The following ACVR2B variants were observed in gnomAD, a reference collection of about 807,000 sequenced individuals.
ACVR2B encodes the protein activin receptor type-2B.
Under a neutral mutation model 65.1 loss-of-function variants are expected in ACVR2B, and 18 were observed. The observed-to-expected ratio is 0.28, with a 90% CI of 0.19 to 0.41. The LOEUF is 0.41. Ranked by LOEUF, ACVR2B falls within the 10% of genes least tolerant of loss-of-function variation. ACVR2B has a pLI of 1.00. For synonymous variants in ACVR2B, 298 were observed against 277.7 expected, an observed-to-expected ratio of 1.07 and a Z score of -0.73; for missense variants, 482 against 682.7, an observed-to-expected ratio of 0.71 and a Z score of 3.28.
In ACVR2B at chr3:38,488,664, G is replaced by T. The variant is rs753664502; in HGVS notation, c.*5332G>T. On this transcript the variant is annotated 3_prime_UTR_variant, in exon 11 of 11. Transcript: ENST00000352511. The stretch of plus-strand genomic sequence containing the variant: ...TATTTTCCAGGTATGAATGAAACAT[G>T]ACTTTTTGATTGTGGTACTTCCTGT... The T allele has an allele frequency of 1.3e-5, 2 of 152,144 alleles. No homozygotes were observed. The highest frequency in any genetic ancestry group is 2.9e-5 in the Non-Finnish European group (2 of 68,020). The allele number at this position is 152,144 out of a possible 1,614,324, so 9.4% of individuals were successfully genotyped here.
In ACVR2B at chr3:38,482,500, G is replaced by A. The variant is rs13093134; in HGVS notation, c.1284G>A (p.Gln428=). 6.2e-7 allele frequency: 1 copy of A among 1,612,640 alleles called. No individual in the cohort carries two copies. Among genetic ancestry groups the A allele is most frequent in the East Asian group, 2.2e-5 (1 of 44,856 alleles). ...IGQHPSLEEL[Q]EVVVHKKMRP... The stretch of plus-strand genomic sequence containing the variant: ...AGCACCCTTCGTTGGAGGAGCTGCA[G>A]GAGGTGGTGGTGCACAAGAAGATGA... The change falls in exon 10 of 11, where the codon CAG becomes CAA. Residue 428 remains glutamine (Q), a synonymous_variant. Transcript: ENST00000352511.
chr3:38,455,951 A>C (rs983708751), intron 1 of ACVR2B, among the ~76,000 whole-genome samples: 1 of 152,160 alleles, frequency 6.6e-6, no homozygotes, highest in Non-Finnish European at 1.5e-5. Flanking sequence ...GGGCTCTTCC[A>C]AGCCCAGGCC....
chr3:38,454,551 T>G, intron 1 of ACVR2B, 177 bp downstream of exon 1: 1 of 460,932 alleles, frequency 2.2e-6, no homozygotes. Context: ...CTCGCCGAAC[T>G]TGGGGGCACG....
intron 1 of ACVR2B, among the ~76,000 whole-genome samples, chr3:38,457,500 T>G (rs1709569812): frequency 6.6e-6 from 1 of 152,226 alleles, no homozygotes; most frequent in Admixed American, 6.5e-5. Context: ...CTTTAATAAT[T>G]CTTCAAGTCT....
In ACVR2B at chr3:38,488,305, A is replaced by G. The variant is rs1483228135; in HGVS notation, c.*4973A>G. 6.6e-6 allele frequency: 1 copy of G among 152,248 alleles called. No individual in the cohort carries two copies. The highest frequency in any genetic ancestry group is 1.5e-5 in the Non-Finnish European group (1 of 68,034). 9.4% of individuals were successfully genotyped at this position (152,248 alleles called of 1,614,324 possible). On this transcript the variant is annotated 3_prime_UTR_variant, in exon 11 of 11. Transcript: ENST00000352511. ...GGGTTATAAGCATAGTTCTTTAAGTAAGATTCCAGATAGTTGATTTGCAAC... is the reference window on the plus strand; with the variant it reads ...GGGTTATAAGCATAGTTCTTTAAGTGAGATTCCAGATAGTTGATTTGCAAC...
chr3:38,481,221 T>C lies in ACVR2B; in HGVS notation c.960-130T>C. The C allele has an allele frequency of 1.3e-6, 1 of 797,020 alleles. No homozygotes were observed. The highest frequency in any genetic ancestry group is 2.2e-6 in the Non-Finnish European group (1 of 449,256). The allele number at this position is 797,020 out of a possible 1,614,324, so 49.4% of individuals were successfully genotyped here. On this transcript the variant is annotated intron_variant, in intron 7 of 10. Transcript: ENST00000352511. The surrounding 1 kb of genome is among the most constrained non-coding windows in gnomAD (Gnocchi z 4.7). ...CTGCCTGCTTGTGCTGCTTCACCTC[T>C]GCACCCCAGGTAGGGTGGGATGGCC...
chr3:38,457,756 T>C (rs1709574284), intron 1 of ACVR2B, among the ~76,000 whole-genome samples: 1 of 152,206 alleles, frequency 6.6e-6, no homozygotes, highest in South Asian at 2.1e-4. Flanking sequence ...GTGCAGGCCC[T>C]GATTACTCTG....
intron 8 of ACVR2B, 47 bp from the exon 9 acceptor site, chr3:38,482,151 T>C (rs772476257): frequency 4.3e-6 from 7 of 1,613,530 alleles, no homozygotes; most frequent in Non-Finnish European, 5.9e-6. Context: ...CAGCTGTGTG[T>C]GTATGGCCAG....
At chr3:38,457,964 C>T (rs1352613831) in intron 1 of ACVR2B, among the ~76,000 whole-genome samples, 1 of 152,046 alleles carries the variant, frequency 6.6e-6, no homozygotes, top group Non-Finnish European at 1.5e-5. Context: ...ATCTGCTGGG[C>T]ACTCGAGGCT....
rs1559656478 is a variant in ACVR2B, at chr3:38,483,294, A to G, written c.1501A>G (p.Thr501Ala). The change falls in exon 11 of 11, where the codon ACC becomes GCC. Residue 501 changes from threonine (T) to alanine (A), a missense_variant. Transcript: ENST00000352511. The surrounding 1 kb of genome is among the most constrained non-coding windows in gnomAD (Gnocchi z 4.8). Reference protein sequence around the residue: ...DCLVSLVTSVTNVDLPPKESS... With the variant: ...DCLVSLVTSVANVDLPPKESS... ...TCTCGTTTCCCTGGTGACCTCTGTC[A>G]CCAATGTGGACCTGCCCCCTAAAGA... The G allele has an allele frequency of 1.9e-6, 3 of 1,613,846 alleles. No homozygotes were observed. The highest frequency in any genetic ancestry group is 2.5e-6 in the Non-Finnish European group (3 of 1,179,970).
At position 38,485,818 on chromosome 3, in the gene ACVR2B, G is replaced by T. The variant is rs1277432167; in HGVS notation, c.*2486G>T. On this transcript the variant is annotated 3_prime_UTR_variant, in exon 11 of 11. Transcript: ENST00000352511. ...TTTAAGAAGCTTTAAAATATTTATT[G>T]AAAAGTGCCATATCTAATTTCTTTA... 6.6e-6 allele frequency: 1 copy of T among 151,716 alleles called. No individual in the cohort carries two copies. The highest frequency in any genetic ancestry group is 2.4e-5 in the African/African-American group (1 of 41,128). The allele number at this position is 151,716 out of a possible 1,614,324, so 9.4% of individuals were successfully genotyped here.
At chr3:38,475,686 G>C (rs1709894901) in intron 1 of ACVR2B, 1 of 152,436 alleles carries the variant, frequency 6.6e-6, no homozygotes, top group Non-Finnish European at 1.5e-5. Context: ...CCTCATGAAG[G>C]CCAACAGTAG....
At chr3:38,476,969 C>T (rs917359904) in intron 1 of ACVR2B, 4 of 474,458 alleles carry the variant, frequency 8.4e-6, no homozygotes, top group African/African-American at 7.8e-5. Flanking sequence ...TTCTGTGCAT[C>T]TGGACTCTGT....
intron 1 of ACVR2B, chr3:38,474,743 G>C (rs1409531729): frequency 1.3e-5 from 2 of 152,226 alleles, no homozygotes; most frequent in African/African-American, 4.8e-5. Flanking sequence ...CAGGCCATTA[G>C]TCAAGGGTGG....
Position 38,483,046 on chromosome 3 carries a change from C to G in ACVR2B, c.1345-92C>G, listed in dbSNP as rs978855275. 2.0e-6 allele frequency: 3 copies of G among 1,474,160 alleles called. No homozygotes were observed. The Admixed American group carries it at 5.0e-5, about 25-fold the overall frequency. The allele number at this position is 1,474,160 out of a possible 1,614,324, so 91.3% of individuals were successfully genotyped here. A position where few individuals can be genotyped will look rare whatever the true frequency, so the allele number is the denominator to read the frequency against. On this transcript the variant is annotated intron_variant, in intron 10 of 10. Coordinates refer to ENST00000352511, the MANE Select transcript of ACVR2B (RefSeq NM_001106.4). The surrounding 1 kb of genome is among the most constrained non-coding windows in gnomAD (Gnocchi z 4.8). The stretch of plus-strand genomic sequence containing the variant: ...TGGGGCTGGTGGGCTCTGCCTGATC[C>G]TTGGGAATATCAAGTTTACTGTCCC...
At chr3:38,472,951 C>T (rs1359911781) in intron 1 of ACVR2B, among the ~76,000 whole-genome samples, 2 of 152,198 alleles carry the variant, frequency 1.3e-5, no homozygotes, top group Non-Finnish European at 2.9e-5. Flanking sequence ...TGTCTTCGAG[C>T]ATCCAAACTA....
rs2059826004 is a variant in ACVR2B at position 38,493,079 on chromosome 3, A to G, written c.*9747A>G. On this transcript the variant is annotated 3_prime_UTR_variant, in exon 11 of 11. Coordinates refer to ENST00000352511, the MANE Select transcript of ACVR2B (RefSeq NM_001106.4). ...GCAGTTACACCCCAACAATAGGAGG[A>G]AAAATCTAGAACTATTTCAAGTTTT... 1 of 152,624 alleles carries G rather than the reference A, an allele frequency of 6.6e-6. No individual in the cohort carries two copies. The highest frequency in any genetic ancestry group is 2.1e-4 in the South Asian group (1 of 4,820). The allele number at this position is 152,624 out of a possible 1,614,324, so 9.5% of individuals were successfully genotyped here.
chr3:38,479,784 C>G lies in ACVR2B; in HGVS notation c.917C>G (p.Pro306Arg). 2 of 1,614,200 alleles carry G rather than the reference C, an allele frequency of 1.2e-6. No individual in the cohort carries two copies. The highest frequency in any genetic ancestry group is 1.7e-6 in the Non-Finnish European group (2 of 1,180,030). The change falls in exon 7 of 11, where the codon CCC becomes CGC. Residue 306 changes from proline (P) to arginine (R), a missense_variant. Around this residue, in one of 5 missense-constraint regions of ACVR2B, gnomAD observed 223 missense variants for 386.3 expected, o/e 0.58. Coordinates refer to ENST00000352511, the MANE Select transcript of ACVR2B (RefSeq NM_001106.4). ...RGLSYLHEDV[P>R]WCRGEGHKPS... is the part of the protein sequence containing the mutation. The stretch of plus-strand genomic sequence containing the variant: ...CTCTCATACCTGCATGAGGATGTGC[C>G]CTGGTGCCGTGGCGAGGGCCACAAG...
At chr3:38,459,371 C>G (rs992492543) in intron 1 of ACVR2B, among the ~76,000 whole-genome samples, 1 of 152,190 alleles carries the variant, frequency 6.6e-6, no homozygotes, top group African/African-American at 2.4e-5. Context: ...CCTGCCTGCC[C>G]GCACCCGCCC....
Sources: gnomAD v4.1 joint callset for allele counts (sites outside exome capture counted in the v4.1 genomes callset) on GRCh38, gnomAD v4.1.1 for gene constraint, gnomAD v4.1.1 regional missense constraint, Gnocchi (gnomAD v3.1) non-coding constraint, MANE v1.5 for transcripts, NCBI Gene and HGNC (gene_info 2026-07-23, HGNC 2026-07-21) for gene names.